Variants in COLGALT2 observed in about 807,000 individuals in gnomAD.
The protein encoded by COLGALT2 is collagen beta(1-O)galactosyltransferase 2.
A neutral mutation model predicts 73.4 loss-of-function variants in COLGALT2; 49 were observed. The ratio of observed to expected loss-of-function variants is 0.67; its 90% confidence interval spans 0.53 to 0.85. COLGALT2 has a LOEUF of 0.85. COLGALT2 is among the 40% of genes least tolerant of loss of function. The probability of loss-of-function intolerance (pLI) is 0.00; values close to 1 mark genes in which losing one functional copy is unlikely to be tolerated. For missense variants in COLGALT2, 722 were observed against 790.2 expected, an observed-to-expected ratio of 0.91 and a Z score of 1.03; for synonymous variants, 295 against 307.6, an observed-to-expected ratio of 0.96 and a Z score of 0.43.
chr1:184,002,973 T>C (rs74130982), intron 1 of COLGALT2, among the ~76,000 whole-genome samples: 2,543 of 152,068 alleles, frequency 0.017, 68 homozygotes, highest in African/African-American at 0.058. Context: ...AAAGATATAA[T>C]AAAAATATCA....
intron 4 of COLGALT2, among the ~76,000 whole-genome samples, chr1:183,971,459 A>C (rs981775312): frequency 1.3e-5 from 2 of 152,202 alleles, no homozygotes; most frequent in African/African-American, 4.8e-5. Context: ...GGCTGCGGCC[A>C]CTAGGATAAC....
intron 6 of COLGALT2, among the ~76,000 whole-genome samples, chr1:183,960,480 T>C (rs912881583): frequency 3.9e-5 from 6 of 152,224 alleles, no homozygotes; most frequent in African/African-American, 1.4e-4. Flanking sequence ...TTTCTCAAAA[T>C]GCTATACTGT....
At chr1:183,945,651 C>T in intron 8 of COLGALT2, 87 bp from the exon 9 acceptor site, 1 of 1,463,524 alleles carries the variant, frequency 6.8e-7, no homozygotes, top group South Asian at 1.2e-5. Context: ...GTTCTGCAAA[C>T]ACCCCTCCCC....
intron 11 of COLGALT2, 57 bp downstream of exon 11, chr1:183,940,524 G>A: frequency 7.0e-7 from 1 of 1,426,950 alleles, no homozygotes; most frequent in Non-Finnish European, 9.9e-7. Flanking sequence ...GAAATGGAGA[G>A]CATAATTCAT....
At chr1:183,941,954 CT>C (rs34285270) in intron 10 of COLGALT2, among the ~76,000 whole-genome samples, 24,612 of 142,736 alleles carry the variant, frequency 0.17, 2,145 homozygotes, top group Admixed American at 0.26. Flanking sequence ...CGACAGTTTA[CT>C]TTTTTTTTTT....
At chr1:183,973,871 A>G (rs1410927792) in intron 3 of COLGALT2, 121 bp from the exon 4 acceptor site, 5 of 875,094 alleles carry the variant, frequency 5.7e-6, no homozygotes, top group Non-Finnish European at 7.0e-6. Context: ...CCAGCTATCT[A>G]TGTCCTCCTT....
At chr1:184,021,664 C>G (rs1393747204) in intron 1 of COLGALT2, among the ~76,000 whole-genome samples, 1 of 152,140 alleles carries the variant, frequency 6.6e-6, no homozygotes, top group African/African-American at 2.4e-5. Flanking sequence ...TCTATTATAG[C>G]AGCACAAAAC....
At chr1:183,967,193 C>T (rs969252968) in intron 5 of COLGALT2, among the ~76,000 whole-genome samples, 4 of 152,196 alleles carry the variant, frequency 2.6e-5, no homozygotes, top group Non-Finnish European at 5.9e-5. Flanking sequence ...CTTTCATTTC[C>T]CCAAAATGAC....
chr1:183,954,388 T>C (rs1011363523), intron 7 of COLGALT2, among the ~76,000 whole-genome samples: 9 of 152,206 alleles, frequency 5.9e-5, no homozygotes, highest in African/African-American at 2.2e-4. Flanking sequence ...CTTGCTCAGA[T>C]GTGGCAGAAT....
chr1:183,942,257 T>G (rs1670135919), intron 10 of COLGALT2, among the ~76,000 whole-genome samples: 1 of 152,052 alleles, frequency 6.6e-6, no homozygotes, highest in African/African-American at 2.4e-5. Context: ...CCAGTTTACT[T>G]AAACAGCTGA....
chr1:183,931,467 T>A (rs1369761753), downstream of COLGALT2, among the ~76,000 whole-genome samples: 1 of 152,164 alleles, frequency 6.6e-6, no homozygotes, highest in African/African-American at 2.4e-5. Context: ...GCACCCCAGC[T>A]GGATTGGAAT....
chr1:183,979,819 C>T (rs1022646857), intron 1 of COLGALT2, among the ~76,000 whole-genome samples: 3 of 152,014 alleles, frequency 2.0e-5, no homozygotes, highest in Non-Finnish European at 2.9e-5. Context: ...GTACAACATA[C>T]TAATAGAGAC....
intron 1 of COLGALT2, 120 bp from the exon 2 acceptor site, chr1:183,978,640 A>G: frequency 1.8e-6 from 1 of 566,966 alleles, no homozygotes. Flanking sequence ...AATTGTATAT[A>G]TGAAAATAAT....
chr1:184,026,124 C>T (rs1649323313), intron 1 of COLGALT2, among the ~76,000 whole-genome samples: 1 of 152,316 alleles, frequency 6.6e-6, no homozygotes, highest in East Asian at 1.9e-4. Context: ...ATGAGCAATG[C>T]TTCCAAGACC....
At chr1:183,980,328 G>A (rs1252724973) in intron 1 of COLGALT2, among the ~76,000 whole-genome samples, 1 of 151,854 alleles carries the variant, frequency 6.6e-6, no homozygotes, top group African/African-American at 2.4e-5. Flanking sequence ...TAAAAGACAA[G>A]CTGTAGTTAA....
intron 1 of COLGALT2, among the ~76,000 whole-genome samples, chr1:183,985,270 C>CTTTAT (rs1209724940): frequency 6.6e-6 from 1 of 151,936 alleles, no homozygotes; most frequent in Non-Finnish European, 1.5e-5. Flanking sequence ...CACAGTACTC[C>CTTTAT]TTTATTTTAT....
chr1:184,030,424 G>A (rs1649473226), intron 1 of COLGALT2, among the ~76,000 whole-genome samples: 1 of 152,160 alleles, frequency 6.6e-6, no homozygotes, highest in Non-Finnish European at 1.5e-5. Flanking sequence ...TTTACTGTAT[G>A]TTGTTATGCT....
intron 5 of COLGALT2, among the ~76,000 whole-genome samples, 196 bp downstream of exon 5, chr1:183,969,073 C>A (rs1239750708): frequency 6.6e-6 from 1 of 152,064 alleles, no homozygotes; most frequent in African/African-American, 2.4e-5. Flanking sequence ...TGGGTAGAGG[C>A]CAGCCCTGGC....
At chr1:183,939,639 A>G (rs1670055311) in intron 11 of COLGALT2, among the ~76,000 whole-genome samples, 1 of 152,220 alleles carries the variant, frequency 6.6e-6, no homozygotes, top group African/African-American at 2.4e-5. Context: ...ACACAGAGAT[A>G]AAGTCAGTCT....
Sources: allele counts gnomAD v4.1 joint callset (sites outside exome capture counted in the v4.1 genomes callset), GRCh38; gene constraint gnomAD v4.1.1; transcripts MANE v1.5; gene names NCBI Gene and HGNC (gene_info 2026-07-23, HGNC 2026-07-21).